The following CORIN variants were observed in gnomAD, a reference collection of about 807,000 sequenced individuals.
CORIN encodes the protein corin, serine peptidase, also known as atrial natriuretic peptide-converting enzyme.
In CORIN, 117 loss-of-function variants were observed where a neutral mutation model predicts 125.3. The observed-to-expected ratio is 0.93, with a 90% CI of 0.80 to 1.09. CORIN has a LOEUF of 1.09. Among genes scored for constraint, CORIN ranks in the 50% least tolerant of loss-of-function variants. The probability of loss-of-function intolerance (pLI) is 0.00; values close to 1 mark genes in which losing one functional copy is unlikely to be tolerated. For synonymous variants in CORIN, 450 were observed against 466.4 expected, an observed-to-expected ratio of 0.96 and a Z score of 0.45; for missense variants, 1,253 against 1,306.7, an observed-to-expected ratio of 0.96 and a Z score of 0.63.
chr4:47,813,752 G>A (rs1732152916), intron 1 of CORIN, among the ~76,000 whole-genome samples: 3 of 152,184 alleles, frequency 2.0e-5, no homozygotes, highest in Non-Finnish European at 4.4e-5. Context: ...TGTAGACTTA[G>A]TTAATACATG....
In CORIN at chr4:47,683,783, A is replaced by G. The variant is rs1324103875; in HGVS notation, c.969T>C (p.Leu323=). 2 of 1,613,846 alleles carry G rather than the reference A, an allele frequency of 1.2e-6. No homozygotes were observed. The highest frequency in any genetic ancestry group is 2.2e-5 in the East Asian group (1 of 44,870). Residue 323 remains leucine (L), a synonymous_variant, in exon 7 of 22, where the codon CTT becomes CTC. Transcript: ENST00000273857. ...CACAGTCATCATATCCATCACACAC[A>G]AGGCTGTAATTAAGGCACTTGCCTG... The part of the protein sequence containing the change: ...CHTGKCLNYS[L]VCDGYDDCGD...
chr4:47,633,994 TC>T (rs1185059898), intron 16 of CORIN, among the ~76,000 whole-genome samples: 15 of 152,032 alleles, frequency 9.9e-5, no homozygotes, highest in Non-Finnish European at 1.3e-4. Context: ...AATTCAAAAT[TC>T]AAAAAAAATT....
At chr4:47,719,431 T>A (rs1727248849) in intron 5 of CORIN, among the ~76,000 whole-genome samples, 1 of 152,228 alleles carries the variant, frequency 6.6e-6, no homozygotes, top group African/African-American at 2.4e-5. Flanking sequence ...ATCTGCTATA[T>A]GAAGGACTGG....
In CORIN at chr4:47,744,449, T is replaced by C. The variant is rs1386390654; in HGVS notation, c.752A>G (p.Asn251Ser). The change falls in exon 5 of 22, where the codon AAT (asparagine) becomes AGT (serine). Residue 251 changes from asparagine to serine, a missense_variant. Asn to Ser is a conservative substitution (Grantham distance 46, BLOSUM62 1). Transcript: ENST00000273857. ...SQFRNQTESSNVSRICFSPQQ... is the reference protein window; with the variant it reads ...SQFRNQTESSSVSRICFSPQQ... ...AGGTGAGAAGCAAATTCTGCTGACATTGCTGCTTTCAGTTTGGTTTCTAAA... is the reference window on the plus strand; with the variant it reads ...AGGTGAGAAGCAAATTCTGCTGACACTGCTGCTTTCAGTTTGGTTTCTAAA... The C allele has an allele frequency of 1.9e-6, 3 of 1,614,058 alleles. No homozygotes were observed. The highest frequency in any genetic ancestry group is 4.5e-5 in the East Asian group (2 of 44,894).
chr4:47,709,900 T>C (rs564872512), intron 5 of CORIN, among the ~76,000 whole-genome samples: 1 of 152,314 alleles, frequency 6.6e-6, no homozygotes, highest in Non-Finnish European at 1.5e-5. Flanking sequence ...GTTAAGAATA[T>C]TTTAGAAGCT....
intron 6 of CORIN, among the ~76,000 whole-genome samples, chr4:47,690,009 T>C (rs2109736153): frequency 6.6e-6 from 1 of 152,320 alleles, no homozygotes; most frequent in East Asian, 1.9e-4. Flanking sequence ...ACTAAAATTG[T>C]TTCAGGTGTT....
intron 20 of CORIN, among the ~76,000 whole-genome samples, chr4:47,601,013 AGC>A (rs1721429087): frequency 6.6e-6 from 1 of 152,238 alleles, no homozygotes; most frequent in Non-Finnish European, 1.5e-5. Context: ...TTCACTGTTT[AGC>A]CATTCTGCAA....
intron 5 of CORIN, among the ~76,000 whole-genome samples, chr4:47,733,968 T>A (rs946298185): frequency 6.6e-6 from 1 of 152,128 alleles, no homozygotes; most frequent in Non-Finnish European, 1.5e-5. Flanking sequence ...TTTGGCTCGA[T>A]TCACTCTGGA....
chr4:47,604,606 C>T (rs1721575182), intron 19 of CORIN, among the ~76,000 whole-genome samples: 2 of 152,206 alleles, frequency 1.3e-5, no homozygotes, highest in Admixed American at 6.5e-5. Context: ...GGTGAATCTT[C>T]TCTTTTTCTT....
At chr4:47,598,889 T>A (rs1721348375) in intron 21 of CORIN, among the ~76,000 whole-genome samples, 1 of 152,252 alleles carries the variant, frequency 6.6e-6, no homozygotes, top group South Asian at 2.1e-4. Context: ...ATTGAATGTC[T>A]AAGTATGTGC....
chr4:47,828,451 A>G (rs1287911434), intron 1 of CORIN, among the ~76,000 whole-genome samples: 3 of 152,292 alleles, frequency 2.0e-5, no homozygotes, highest in East Asian at 3.9e-4. Flanking sequence ...CAAAATCTCC[A>G]TAAAAACCCC....
intron 1 of CORIN, among the ~76,000 whole-genome samples, chr4:47,813,012 G>A (rs540063024): frequency 2.0e-5 from 3 of 152,106 alleles, no homozygotes; most frequent in Non-Finnish European, 2.9e-5. Context: ...GTTGACTACC[G>A]CACAACTCCT....
intron 2 of CORIN, among the ~76,000 whole-genome samples, chr4:47,800,990 G>A (rs1731517471): frequency 6.6e-6 from 1 of 152,092 alleles, no homozygotes; most frequent in African/African-American, 2.4e-5. Context: ...CACTGAGACT[G>A]CCGCATGCAT....
chr4:47,801,453 G>T (rs949523384), intron 2 of CORIN, among the ~76,000 whole-genome samples: 4 of 152,150 alleles, frequency 2.6e-5, no homozygotes, highest in Non-Finnish European at 4.4e-5. Context: ...CACACAAAAG[G>T]CACTAATACA....
chr4:47,782,053 T>C (rs907828924), intron 3 of CORIN, among the ~76,000 whole-genome samples: 1 of 152,046 alleles, frequency 6.6e-6, no homozygotes, highest in African/African-American at 2.4e-5. Context: ...ACACACCTAA[T>C]GACAGACCGT....
At chr4:47,769,633 A>G (rs1038199671) in intron 3 of CORIN, among the ~76,000 whole-genome samples, 1 of 152,132 alleles carries the variant, frequency 6.6e-6, no homozygotes, top group African/African-American at 2.4e-5. Flanking sequence ...CTATAAAGCT[A>G]TAGTAATCAA....
intron 10 of CORIN, among the ~76,000 whole-genome samples, chr4:47,669,881 T>C (rs368512471): frequency 9.2e-5 from 14 of 152,330 alleles, no homozygotes; most frequent in African/African-American, 3.4e-4. Context: ...TTTATAATTT[T>C]ATTACCTAAG....
intron 19 of CORIN, among the ~76,000 whole-genome samples, chr4:47,617,699 T>G (rs984430459): frequency 6.6e-6 from 1 of 151,974 alleles, no homozygotes; most frequent in Non-Finnish European, 1.5e-5. Context: ...ATCCTTAGAG[T>G]AGATGGAATA....
intron 5 of CORIN, among the ~76,000 whole-genome samples, chr4:47,713,540 CT>C (rs1217172282): frequency 6.6e-6 from 1 of 152,168 alleles, no homozygotes; most frequent in Non-Finnish European, 1.5e-5. Context: ...CTCCAGGGTA[CT>C]TTTGGTGAAC....
Sources: allele counts gnomAD v4.1 joint callset (sites outside exome capture counted in the v4.1 genomes callset), GRCh38; gene constraint gnomAD v4.1.1; transcripts MANE v1.5; gene names NCBI Gene and HGNC (gene_info 2026-07-23, HGNC 2026-07-21).